The following EIF3I variants were observed in gnomAD, a reference collection of about 807,000 sequenced individuals.
The protein encoded by EIF3I is eukaryotic translation initiation factor 3 subunit I, also known as TGF-beta receptor-interacting protein 1.
EIF3I carries 20 observed loss-of-function variants against 43.3 expected under a neutral mutation model. The ratio of observed to expected loss-of-function variants is 0.46; its 90% CI spans 0.32 to 0.67. The LOEUF (loss-of-function observed/expected upper bound fraction) is 0.67, where lower values mean the gene tolerates loss of function less well. Ranked by LOEUF, EIF3I falls within the 30% of genes least tolerant of loss-of-function variation. The pLI, the probability that EIF3I is intolerant of heterozygous loss-of-function variation, is 0.03. For synonymous variants in EIF3I, 167 were observed against 151.7 expected (o/e 1.10, Z -0.74); for missense variants, 279 against 421.4 (o/e 0.66, Z 2.96).
At chr1:32,224,517 C>T (rs777898211) in intron 4 of EIF3I, 42 bp downstream of exon 4, 1 of 1,482,384 alleles carries the variant, frequency 6.7e-7, no homozygotes, top group Non-Finnish European at 9.4e-7. Flanking sequence ...TATTGAGGAC[C>T]TACAGTGTAC....
At chr1:32,225,412 A>G (rs533925097) in intron 4 of EIF3I, among the ~76,000 whole-genome samples, 1 of 152,296 alleles carries the variant, frequency 6.6e-6, no homozygotes, top group African/African-American at 2.4e-5. Flanking sequence ...GTAGTGCCAC[A>G]TTAGCAGGAT....
intron 9 of EIF3I, 120 bp downstream of exon 9, chr1:32,229,328 TC>T: frequency 2.0e-6 from 2 of 1,023,050 alleles, no homozygotes; most frequent in South Asian, 3.3e-5. Context: ...TGGCGTGATC[TC>T]TGCTCACTGC....
chr1:32,225,058 T>C (rs1250620012), intron 4 of EIF3I, among the ~76,000 whole-genome samples: 1 of 152,108 alleles, frequency 6.6e-6, no homozygotes, highest in Non-Finnish European at 1.5e-5. Flanking sequence ...GGTCTCAAAC[T>C]CCAGACCTCA....
exon 5 of EIF3I, chr1:32,226,186 T>C (rs1357412924): frequency 6.2e-7 from 1 of 1,614,074 alleles, no homozygotes; most frequent in Non-Finnish European, 8.5e-7. Context: ...CAGCTGGCCC[T>C]TCTCAAGACC....
intron 4 of EIF3I, 167 bp from the exon 5 acceptor site, chr1:32,226,004 C>CA: frequency 1.2e-6 from 1 of 865,578 alleles, no homozygotes; most frequent in South Asian, 1.9e-5. Flanking sequence ...GCCTGGGCAA[C>CA]AGAGTGAAAC....
intron 2 of EIF3I, 34 bp downstream of exon 2, chr1:32,222,664 G>T (rs754684442): frequency 3.8e-6 from 6 of 1,599,854 alleles, no homozygotes; most frequent in African/African-American, 1.3e-5. Flanking sequence ...CGGGAGGGGC[G>T]GGATCCTTCT....
At chr1:32,232,223 T>C (rs1557557763), downstream of EIF3I, 1 of 152,174 alleles carries the variant, frequency 6.6e-6, no homozygotes, top group Non-Finnish European at 1.5e-5. Flanking sequence ...GCCCCAGGTA[T>C]GCCCTCTGGG....
At chr1:32,222,591 C>T in exon 2 of EIF3I, 2 of 1,614,178 alleles carry the variant, frequency 1.2e-6, no homozygotes, top group Non-Finnish European at 1.7e-6. Context: ...TTAAGTATAA[C>T]CGCGAAGGAG....
chr1:32,233,671 A>G (rs1639267129), downstream of EIF3I, among the ~76,000 whole-genome samples: 1 of 152,196 alleles, frequency 6.6e-6, no homozygotes, highest in South Asian at 2.1e-4. Flanking sequence ...CCAGCAGGTG[A>G]GTGGTGAAAC....
At chr1:32,222,735 T>C (rs1488127070) in intron 2 of EIF3I, 105 bp downstream of exon 2, 3 of 1,162,838 alleles carry the variant, frequency 2.6e-6, no homozygotes, top group African/African-American at 3.0e-5. Context: ...GAGCAGCCCA[T>C]TGTGAGAAGT....
At chr1:32,233,245 C>G (rs924419045), downstream of EIF3I, among the ~76,000 whole-genome samples, 1 of 152,292 alleles carries the variant, frequency 6.6e-6, no homozygotes, top group African/African-American at 2.4e-5. Context: ...ACCTCTGACT[C>G]CCAGGTTCAA....
intron 4 of EIF3I, 74 bp from the exon 5 acceptor site, chr1:32,226,097 G>A (rs896493148): frequency 6.4e-6 from 10 of 1,551,496 alleles, no homozygotes; most frequent in Non-Finnish European, 8.8e-6. Flanking sequence ...AGTGAGATGT[G>A]ATGGTAGCAT....
At position 32,224,023 on chromosome 1, in the gene EIF3I, G is replaced by C; in HGVS notation, c.97-11G>C. ...TGGGATGTGTACTATCCTGTGGTTT[G>C]ACTTTTCCAGATCGTCAATGTATGG... On this transcript the variant is annotated splice_polypyrimidine_tract_variant and intron_variant, in intron 2 of 11. Transcript: ENST00000676679. 6.2e-7 allele frequency: 1 copy of C among 1,614,034 alleles called. No homozygotes were observed. The highest frequency in any genetic ancestry group is 8.5e-7 in the Non-Finnish European group (1 of 1,179,936).
intron 2 of EIF3I, among the ~76,000 whole-genome samples, chr1:32,223,133 C>T (rs1339918131): frequency 1.3e-5 from 2 of 152,142 alleles, no homozygotes; most frequent in Non-Finnish European, 2.9e-5. Flanking sequence ...TAGGGATAAT[C>T]TAATCTTTCT....
At chr1:32,228,571 A>G in exon 7 of EIF3I, 3 of 1,614,188 alleles carry the variant, frequency 1.9e-6, no homozygotes, top group Non-Finnish European at 1.7e-6. Context: ...CAGGGACATG[A>G]CCATGTTTGT....
chr1:32,222,598 G>A, exon 2 of EIF3I: 1 of 1,614,164 alleles, frequency 6.2e-7, no homozygotes, highest in Non-Finnish European at 8.5e-7. Context: ...TAACCGCGAA[G>A]GAGACCTCCT....
chr1:32,223,090 G>A (rs576549950), intron 2 of EIF3I, among the ~76,000 whole-genome samples: 2 of 152,118 alleles, frequency 1.3e-5, no homozygotes, highest in Non-Finnish European at 2.9e-5. Flanking sequence ...TAAAGATGAG[G>A]GTCAGCTTGC....
chr1:32,222,763 G>A lies in EIF3I; in HGVS notation c.96+133G>A, dbSNP rs1271205447. The A allele has an allele frequency of 4.6e-6, 4 of 873,810 alleles. No individual in the cohort carries two copies. In the African/African-American group the frequency reaches 5.0e-5, roughly 11 times the overall value. 54.1% of individuals were successfully genotyped at this position (873,810 alleles called of 1,614,324 possible). ...TGAGAAGTAGGGAGAGGCCATGCCG[G>A]GGGTAGGTTGGCGAAAGTATTCTAC... is the stretch of plus-strand genomic sequence containing the variant. On this transcript the variant is annotated intron_variant, in intron 2 of 11. Transcript: ENST00000676679.
chr1:32,223,056 C>G (rs909281849), intron 2 of EIF3I, among the ~76,000 whole-genome samples: 2 of 152,180 alleles, frequency 1.3e-5, no homozygotes, highest in Non-Finnish European at 2.9e-5. Flanking sequence ...CCAAGAAAAG[C>G]AAGAGACCAC....
Sources: gnomAD v4.1 joint callset for allele counts (sites outside exome capture counted in the v4.1 genomes callset) on GRCh38, gnomAD v4.1.1 for gene constraint, MANE v1.5 for transcripts, NCBI Gene and HGNC (gene_info 2026-07-23, HGNC 2026-07-21) for gene names.